The following MSL3 variants were observed in gnomAD, a reference collection of about 807,000 sequenced individuals.
The protein encoded by MSL3 is MSL complex subunit 3.
MSL3 carries 5 observed loss-of-function variants against 37.2 expected under a neutral mutation model. The ratio of observed to expected loss-of-function variants is 0.13; its 90% CI spans 0.07 to 0.28. MSL3 has a LOEUF of 0.28. Ranked by LOEUF, MSL3 falls within the 10% of genes least tolerant of loss-of-function variation. MSL3 has a pLI of 1.00. For missense variants in MSL3, 315 were observed against 408.5 expected (o/e 0.77, Z 1.97); for synonymous variants, 149 against 147.6 (o/e 1.01, Z -0.07).
chrX:11,760,941 A>G lies in MSL3; in HGVS notation c.382+4A>G, dbSNP rs757550557. ...AAAGATGAAAATGATGAAAACTGTGAGTAGCTTCACTTCATTTCTTTTGGC... is the reference window on the plus strand; with the variant it reads ...AAAGATGAAAATGATGAAAACTGTGGGTAGCTTCACTTCATTTCTTTTGGC... On this transcript the variant is annotated splice_donor_region_variant and intron_variant, in intron 4 of 12. Coordinates refer to ENST00000312196, the MANE Select transcript of MSL3 (RefSeq NM_078629.4). The G allele has an allele frequency of 6.9e-6, 8 of 1,153,820 alleles. No individual in the cohort carries two copies. Among genetic ancestry groups the G allele is most frequent in the Non-Finnish European group, 9.4e-6 (8 of 853,599 alleles).
In MSL3 at chrX:11,758,354, T is replaced by G; in HGVS notation, c.91T>G (p.Tyr31Asp). ...TGACCCCACCAAGGCGCGAGTGCTG[T>G]ACGATGCCAAGGTGCCGCCGCGGAG... ...EPDPTKARVL[Y>D]DAKIVDVIVG... Residue 31 changes from tyrosine to aspartate, a missense_variant, in exon 1 of 13, where the codon TAC becomes GAC. Tyr to Asp is a radical substitution (Grantham distance 160). Coordinates refer to ENST00000312196, the MANE Select transcript of MSL3 (RefSeq NM_078629.4). 1 of 1,123,471 alleles carries G rather than the reference T, an allele frequency of 8.9e-7. No homozygotes were observed. The highest frequency in any genetic ancestry group is 1.2e-6 in the Non-Finnish European group (1 of 849,265). 92.6% of individuals were successfully genotyped at this position (1,123,471 alleles called of 1,213,427 possible).
At chrX:11,767,787 C>T in intron 9 of MSL3, 1 of 548,553 alleles carries the variant, frequency 1.8e-6, no homozygotes, top group Non-Finnish European at 2.2e-6. Context: ...CCCTATGTCC[C>T]CTGACAACCA....
chrX:11,772,193 C>A lies in MSL3; in HGVS notation c.1319C>A (p.Pro440Gln), dbSNP rs369777019. ...SWKLVPDNYPPGDQPPPPSYI... is the reference protein window; with the variant it reads ...SWKLVPDNYPQGDQPPPPSYI... ...AAGCTTGTGCCTGACAATTACCCCCCAGGTGACCAGCCGCCTCCACCCTCT... is the reference window on the plus strand; with the variant it reads ...AAGCTTGTGCCTGACAATTACCCCCAAGGTGACCAGCCGCCTCCACCCTCT... The change falls in exon 11 of 13, where the codon CCA becomes CAA. Residue 440 changes from proline to glutamine, a missense_variant. By Grantham distance (76) the Pro-to-Gln change is moderately conservative (BLOSUM62 -1). Transcript: ENST00000312196. 7 of 1,208,554 alleles carry A rather than the reference C, an allele frequency of 5.8e-6. No individual in the cohort carries two copies. The highest frequency in any genetic ancestry group is 5.3e-5 in the African/African-American group (3 of 56,889).
At position 11,759,638 on chromosome X, in the gene MSL3, G is replaced by GA. The variant is rs748269918; in HGVS notation, c.103-148dup. Reference sequence around the variant, plus strand: ...CTATTTTGAAGGCGTCCACTTGGGGGAAAAAAATGAAAGGAAAAATATTTC... The same window carrying GA: ...CTATTTTGAAGGCGTCCACTTGGGGGAAAAAAAATGAAAGGAAAAATATTTC... On this transcript the variant is annotated intron_variant, in intron 1 of 12. Coordinates refer to ENST00000312196, the MANE Select transcript of MSL3 (RefSeq NM_078629.4). 207 of 1,093,831 alleles carry GA rather than the reference G, an allele frequency of 1.9e-4. 1 individual carries two copies. The East Asian group carries it at 6.6e-3, about 35-fold the overall frequency. The allele number at this position is 1,093,831 out of a possible 1,213,427, so 90.1% of individuals were successfully genotyped here. A position where few individuals can be genotyped will look rare whatever the true frequency, so the allele number is the denominator to read the frequency against.
intron 1 of MSL3, chrX:11,759,565 C>G: frequency 3.9e-6 from 4 of 1,015,498 alleles, no homozygotes; most frequent in Non-Finnish European, 5.0e-6. Context: ...AAGCCTCACA[C>G]TGTCTCACGC....
intron 9 of MSL3, chrX:11,768,335 C>A (rs775767191): frequency 7.2e-6 from 2 of 276,857 alleles, no homozygotes; most frequent in East Asian, 1.3e-4. Flanking sequence ...TTGTGATTGG[C>A]TCCATTCACT....
At position 11,758,333 on chromosome X, in the gene MSL3, C is replaced by T; in HGVS notation, c.70C>T (p.Pro24Ser). 8.8e-7 allele frequency: 1 copy of T among 1,141,456 alleles called. No individual in the cohort carries two copies. Among genetic ancestry groups the T allele is most frequent in the Non-Finnish European group, 1.2e-6 (1 of 858,445 alleles). The allele number at this position is 1,141,456 out of a possible 1,213,427, so 94.1% of individuals were successfully genotyped here. ...GEKVLCFEPD[P>S]TKARVLYDAK... ...GAAAGTGCTGTGCTTCGAGCCTGAC[C>T]CCACCAAGGCGCGAGTGCTGTACGA... The change falls in exon 1 of 13, where the codon CCC (proline) becomes TCC (serine). Residue 24 changes from proline to serine, a missense_variant. Physicochemically the swap from Pro to Ser is moderately conservative, Grantham distance 74 (BLOSUM62 -1). Transcript: ENST00000312196.
At chrX:11,772,379 T>A in intron 11 of MSL3, 124 bp downstream of exon 11, 1 of 563,905 alleles carries the variant, frequency 1.8e-6, no homozygotes, top group Non-Finnish European at 2.8e-6. Context: ...CAAGAAAAAT[T>A]AAAAGTAATC....
intron 1 of MSL3, among the ~76,000 whole-genome samples, chrX:11,759,360 G>A (rs1174590218): frequency 3.6e-5 from 4 of 111,329 alleles, no homozygotes; most frequent in African/African-American, 1.3e-4. Context: ...AGGGGGGGGG[G>A]CACGCCCCAT....
At chrX:11,765,234 C>T (rs191120906) in intron 8 of MSL3, among the ~76,000 whole-genome samples, 1 of 112,070 alleles carries the variant, frequency 8.9e-6, no homozygotes, top group Admixed American at 9.4e-5. Flanking sequence ...CCATCTGTTC[C>T]CTGTCAGGGC....
intron 1 of MSL3, among the ~76,000 whole-genome samples, chrX:11,759,357 G>C (rs888564878): frequency 8.9e-6 from 1 of 111,822 alleles, no homozygotes; most frequent in African/African-American, 3.3e-5. Context: ...CGGAGGGGGG[G>C]GGGCACGCCC....
chrX:11,767,751 C>A (rs897092333), intron 9 of MSL3: 3 of 271,809 alleles, frequency 1.1e-5, no homozygotes, highest in Non-Finnish European at 1.5e-5. Context: ...AACCCCACAT[C>A]GACTAGCAGT....
At chrX:11,767,663 T>A (rs896271783) in intron 9 of MSL3, 5 of 120,890 alleles carry the variant, frequency 4.1e-5, no homozygotes, top group African/African-American at 1.6e-4. Flanking sequence ...AACAAAATAG[T>A]TTTAGTTGGG....
intron 1 of MSL3, 24 bp from the exon 2 acceptor site, chrX:11,759,769 G>A: frequency 8.3e-7 from 1 of 1,210,644 alleles, no homozygotes; most frequent in Non-Finnish European, 1.1e-6. Context: ...TCTGCCATTT[G>A]TGGGAAATAT....
At chrX:11,766,900 C>G (rs751864212) in intron 9 of MSL3, 1 of 753,122 alleles carries the variant, frequency 1.3e-6, no homozygotes, top group East Asian at 1.5e-4. Flanking sequence ...TACTTGGAGT[C>G]GAATCCCCAT....
intron 10 of MSL3, among the ~76,000 whole-genome samples, chrX:11,770,939 G>A (rs750457157): frequency 2.0e-4 from 22 of 111,929 alleles, no homozygotes; most frequent in Non-Finnish European, 3.8e-4. Context: ...GCAGGTGCTG[G>A]GGATGCTGTA....
At chrX:11,759,713 G>C in intron 1 of MSL3, 80 bp from the exon 2 acceptor site, 1 of 1,192,039 alleles carries the variant, frequency 8.4e-7, no homozygotes, top group Non-Finnish European at 1.1e-6. Context: ...TTAAAAAAGG[G>C]TCTGTGAATT....
Position 11,775,060 on chromosome X carries a change from AC to A in MSL3, c.1552del (p.Arg518GlyfsTer11). ...AACEAHYSTK[N>X]PRAIY ...TGTGAGGCACATTACAGCACCAAGA[AC>A]CCCCGGGCAATTTATTAAAATGTTG... On this transcript the variant is annotated frameshift_variant, in exon 13 of 13. Transcript: ENST00000312196. LOFTEE classifies it high-confidence loss of function. 8.3e-7 allele frequency: 1 copy of A among 1,202,421 alleles called. No homozygotes were observed. Among genetic ancestry groups the A allele is most frequent in the Non-Finnish European group, 1.1e-6 (1 of 888,099 alleles).
intron 9 of MSL3, 177 bp from the exon 10 acceptor site, chrX:11,768,396 A>G (rs2053204212): frequency 7.3e-6 from 3 of 409,788 alleles, no homozygotes; most frequent in Admixed American, 9.0e-5. Flanking sequence ...TCAGTGCTTT[A>G]TTCCTTATTT....
Sources: gnomAD v4.1 joint callset for allele counts (sites outside exome capture counted in the v4.1 genomes callset) on GRCh38, gnomAD v4.1.1 for gene constraint, MANE v1.5 for transcripts, NCBI Gene and HGNC (gene_info 2026-07-23, HGNC 2026-07-21) for gene names.